LMAN1L: variants seen among roughly 807,000 people sequenced by gnomAD.
LMAN1L encodes the protein lectin, mannose binding 1 like.
In LMAN1L, 60 loss-of-function variants were observed where a neutral mutation model predicts 58.3. The ratio of observed to expected loss-of-function variants is 1.03; its 90% CI spans 0.84 to 1.27. The LOEUF is 1.27. Ranked by LOEUF, LMAN1L falls within the 50% of genes most tolerant of loss-of-function variation. The pLI is 0.00. For synonymous variants in LMAN1L, 280 were observed against 271.6 expected, an observed-to-expected ratio of 1.03 and a Z score of -0.31; for missense variants, 629 against 674.0, an observed-to-expected ratio of 0.93 and a Z score of 0.74.
At chr15:74,814,367 T>TTG (rs1567222916) in intron 1 of LMAN1L, among the ~76,000 whole-genome samples, 1 of 72,980 alleles carries the variant, frequency 1.4e-5, no homozygotes, top group East Asian at 6.3e-4. Context: ...CTAATTTTTG[T>TTG]TTTTGTTTTT....
intron 9 of LMAN1L, 132 bp downstream of exon 9, chr15:74,821,358 G>A: frequency 1.8e-6 from 2 of 1,111,374 alleles, no homozygotes; most frequent in East Asian, 2.6e-5. Context: ...CAGGTCACAG[G>A]ATGGGGCAGG....
intron 4 of LMAN1L, 143 bp downstream of exon 4, chr15:74,816,833 AGCCGACGTCC>A (rs2063893738): frequency 2.6e-6 from 2 of 771,638 alleles, no homozygotes; most frequent in Non-Finnish European, 4.1e-6. Context: ...TCTCTCACTT[AGCCGACGTCC>A]GCCCCCCTGG....
chr15:74,817,906 G>A (rs532134583), intron 4 of LMAN1L, among the ~76,000 whole-genome samples: 62 of 151,960 alleles, frequency 4.1e-4, no homozygotes, highest in Middle Eastern at 3.4e-3. Context: ...CCAGCTACTC[G>A]GGAGGCTGAG....
chr15:74,823,902 G>A, intron 12 of LMAN1L: 1 of 580,492 alleles, frequency 1.7e-6, no homozygotes. Context: ...TCTCTGAAGA[G>A]TCCCACAGAC....
chr15:74,816,218 C>A lies in LMAN1L; in HGVS notation c.237C>A (p.Ala79=), dbSNP rs1354630333. ...CATCCATGAGGAACCGGAGTGGCGCCGTGTGGAGCAGGGCCTCTGTCCCCT... is the reference window on the plus strand; with the variant it reads ...CATCCATGAGGAACCGGAGTGGCGCAGTGTGGAGCAGGGCCTCTGTCCCCT... The part of the protein sequence containing the change: ...LTPSMRNRSG[A]VWSRASVPFS... The change falls in exon 2 of 14, where the codon GCC becomes GCA. Residue 79 remains alanine, a synonymous_variant. Transcript: ENST00000309664. The A allele has an allele frequency of 6.3e-7, 1 of 1,579,282 alleles. No individual in the cohort carries two copies. Among genetic ancestry groups the A allele is most frequent in the South Asian group, 1.1e-5 (1 of 87,058 alleles).
intron 4 of LMAN1L, among the ~76,000 whole-genome samples, chr15:74,818,194 C>T (rs1408151888): frequency 6.6e-6 from 1 of 152,128 alleles, no homozygotes; most frequent in East Asian, 1.9e-4. Context: ...CCCAACACTC[C>T]GTCAGGCAGG....
At chr15:74,819,551 T>G (rs1259683887) in intron 6 of LMAN1L, 3 of 520,748 alleles carry the variant, frequency 5.8e-6, no homozygotes, top group Non-Finnish European at 1.0e-5. Flanking sequence ...TTTAGGAAAA[T>G]GGAGCAAAGA....
rs149221946 is a variant in LMAN1L at position 74,824,462 on chromosome 15, G to A, written c.1435G>A (p.Gly479Ser). 20 of 1,614,038 alleles carry A rather than the reference G, an allele frequency of 1.2e-5. No individual in the cohort carries two copies. The highest frequency in any genetic ancestry group is 5.3e-5 in the African/African-American group (4 of 74,918). ...CCTCATTCAGACTGTAGGCTTCTTC[G>A]GCTACGTGCACTTCAGGTGGGCCAC... ...YLLIQTVGFF[G>S]YVHFRQELNK... The change falls in exon 13 of 14, where the codon GGC becomes AGC. Residue 479 changes from glycine to serine, a missense_variant. Physicochemically the swap from Gly to Ser is moderately conservative, Grantham distance 56. Transcript: ENST00000309664.
Position 74,822,693 on chromosome 15 carries a change from G to T in LMAN1L, c.1183G>T (p.Ala395Ser), listed in dbSNP as rs760655551. 6.2e-6 allele frequency: 10 copies of T among 1,614,000 alleles called. No individual in the cohort carries two copies. Among genetic ancestry groups the T allele is most frequent in the Non-Finnish European group, 8.5e-6 (10 of 1,179,912 alleles). The change falls in exon 11 of 14, where the codon GCC (alanine) becomes TCC (serine). Residue 395 changes from alanine to serine, a missense_variant. This residue lies in a region of LMAN1L where 573 missense variants were observed against 597.3 expected (regional missense o/e 0.96). Coordinates refer to ENST00000309664, the MANE Select transcript of LMAN1L (RefSeq NM_021819.3). Reference sequence around the variant, plus strand: ...CCATGGACAGTGGACTCTGCTCCAGGCCCTGCAAGAGATGAGGTAAGGGAC... The same window carrying T: ...CCATGGACAGTGGACTCTGCTCCAGTCCCTGCAAGAGATGAGGTAAGGGAC... Reference protein sequence around the residue: ...LLHGQWTLLQALQEMRDAAVR... With the variant: ...LLHGQWTLLQSLQEMRDAAVR...
At chr15:74,815,381 G>A (rs1384277394) in intron 1 of LMAN1L, among the ~76,000 whole-genome samples, 2 of 152,190 alleles carry the variant, frequency 1.3e-5, no homozygotes, top group Non-Finnish European at 2.9e-5. Context: ...GAGCGAGCTC[G>A]AGTAGGGCCT....
intron 7 of LMAN1L, 72 bp from the exon 8 acceptor site, chr15:74,820,563 C>T: frequency 6.3e-7 from 1 of 1,595,178 alleles, no homozygotes; most frequent in African/African-American, 1.3e-5. Flanking sequence ...GTGGGGAAGC[C>T]TGTGGGAAGG....
At chr15:74,813,412 C>T (rs1486416825) in intron 1 of LMAN1L, 1 of 461,878 alleles carries the variant, frequency 2.2e-6, no homozygotes, top group Admixed American at 2.3e-5. Flanking sequence ...CTCCCGGCTC[C>T]ATCCCAGCGG....
chr15:74,816,278 G>A lies in LMAN1L; in HGVS notation c.297G>A (p.Val99=). The A allele has an allele frequency of 6.2e-7, 1 of 1,612,214 alleles. No individual in the cohort carries two copies. The highest frequency in any genetic ancestry group is 1.3e-5 in the African/African-American group (1 of 75,048). The part of the protein sequence containing the change: ...SAWEVEVQMR[V]TGLGRRGAQG... ...GGGAAGTAGAGGTGCAGATGAGGGT[G>A]ACGGGACTGGGGCGCCGGGGAGCCC... Residue 99 remains valine, a synonymous_variant, in exon 2 of 14, where the codon GTG becomes GTA. Coordinates refer to ENST00000309664, the MANE Select transcript of LMAN1L (RefSeq NM_021819.3).
chr15:74,821,156 T>C lies in LMAN1L; in HGVS notation c.989T>C (p.Leu330Pro). The part of the protein sequence containing the change: ...LQALRGLSKQ[L>P]AQAERQWKKQ... ...GCTCTGCGGGGTCTCTCCAAGCAGC[T>C]GGCCCAGGCTGAGAGACAATGGAAG... The change falls in exon 9 of 14, where the codon CTG becomes CCG. Residue 330 changes from leucine to proline, a missense_variant. By Grantham distance (98) the Leu-to-Pro change is moderately conservative. Around this residue, in one of 3 missense-constraint regions of LMAN1L, gnomAD observed 573 missense variants for 597.3 expected, o/e 0.96. Transcript: ENST00000309664. 6.4e-7 allele frequency: 1 copy of C among 1,554,056 alleles called. No homozygotes were observed. Among genetic ancestry groups the C allele is most frequent in the South Asian group, 1.2e-5 (1 of 84,274 alleles).
chr15:74,821,768 T>G lies in LMAN1L; in HGVS notation c.1060-61T>G, dbSNP rs908715525. The G allele has an allele frequency of 1.7e-5, 19 of 1,101,846 alleles. No individual in the cohort carries two copies. The Admixed American group carries it at 2.9e-4, about 17-fold the overall frequency. The allele number at this position is 1,101,846 out of a possible 1,614,324, so 68.3% of individuals were successfully genotyped here. On this transcript the variant is annotated intron_variant, in intron 9 of 13. Transcript: ENST00000309664. ...AGAGCAGCTTAGGCTGGGCTGCTAG[T>G]GTGGGGAAGAGGGGAGGGGACTTAC...
In LMAN1L at chr15:74,820,760, A is replaced by G; in HGVS notation, c.900A>G (p.Gln300=). 1.2e-6 allele frequency: 2 copies of G among 1,612,338 alleles called. No individual in the cohort carries two copies. Among genetic ancestry groups the G allele is most frequent in the Non-Finnish European group, 1.7e-6 (2 of 1,179,308 alleles). ...CTCCAAAATCAGACTCTGAAGCTCA[A>G]GGAGAAGGTAGGGACCGAGAGAGCG... ...DVTPKSDSEA[Q]GEGERLFDLE... Residue 300 remains glutamine (Q), a synonymous_variant, in exon 8 of 14, where the codon CAA becomes CAG. Transcript: ENST00000309664.
intron 4 of LMAN1L, among the ~76,000 whole-genome samples, chr15:74,818,212 T>G (rs894429176): frequency 3.3e-5 from 5 of 152,084 alleles, no homozygotes; most frequent in African/African-American, 1.2e-4. Flanking sequence ...AGGGCTTGCT[T>G]CCCCTGCTCC....
At chr15:74,816,720 C>G (rs2063893011) in intron 4 of LMAN1L, 30 bp downstream of exon 4, 1 of 1,605,564 alleles carries the variant, frequency 6.2e-7, no homozygotes, top group African/African-American at 1.3e-5. Flanking sequence ...GACCACTCAC[C>G]TCCATTTTTG....
At chr15:74,823,468 C>T in intron 11 of LMAN1L, 91 bp from the exon 12 acceptor site, 2 of 1,449,898 alleles carry the variant, frequency 1.4e-6, no homozygotes, top group East Asian at 2.3e-5. Context: ...CATCCATGTG[C>T]TGCCCTTGGG....
Sources: allele counts gnomAD v4.1 joint callset (sites outside exome capture counted in the v4.1 genomes callset), GRCh38; gene constraint gnomAD v4.1.1; regional missense constraint gnomAD v4.1.1; transcripts MANE v1.5; gene names NCBI Gene and HGNC (gene_info 2026-07-23, HGNC 2026-07-21).